DNM3: variants seen among roughly 807,000 people sequenced by gnomAD.
DNM3 encodes dynamin 3, also known as dynamin-3.
A neutral mutation model predicts 101.6 loss-of-function variants in DNM3; 47 were observed. The observed-to-expected ratio is 0.46, with a 90% CI of 0.37 to 0.59. DNM3 has a LOEUF of 0.59. Among genes scored for constraint, DNM3 ranks in the 20% least tolerant of loss-of-function variants. DNM3 has a pLI of 0.00. For synonymous variants in DNM3, 385 were observed against 387.9 expected (o/e 0.99, Z 0.09); for missense variants, 849 against 1,085.7 (o/e 0.78, Z 3.06).
chr1:171,990,530 T>G (rs1052459891), intron 4 of DNM3, among the ~76,000 whole-genome samples: 29 of 152,132 alleles, frequency 1.9e-4, no homozygotes, highest in African/African-American at 7.0e-4. Context: ...CACTATTCAG[T>G]GTGTACACTT....
intron 1 of DNM3, among the ~76,000 whole-genome samples, chr1:171,854,327 T>A (rs2033337679): frequency 6.6e-6 from 1 of 152,086 alleles, no homozygotes; most frequent in South Asian, 2.1e-4. Flanking sequence ...CCTCATGTGG[T>A]GGTTGTAAAA....
At chr1:171,894,619 G>T (rs1211668821) in intron 1 of DNM3, among the ~76,000 whole-genome samples, 1 of 151,968 alleles carries the variant, frequency 6.6e-6, no homozygotes, top group Non-Finnish European at 1.5e-5. Flanking sequence ...AAGTTCTAGG[G>T]TACATGTGCA....
At position 172,356,410 on chromosome 1, in the gene DNM3, C is replaced by T. The variant is rs568515227; in HGVS notation, c.1894-22608C>T. On this transcript the variant is annotated intron_variant, in intron 17 of 20. Coordinates refer to ENST00000627582, the MANE Select transcript of DNM3 (RefSeq NM_015569.5). The stretch of plus-strand genomic sequence containing the variant: ...TTAACCATATTTTGTTCATTTTTGA[C>T]TTATAAAACAATCAGGAAAAAACAG... Among the ~76,000 whole-genome samples, 6 of 152,056 alleles carry T rather than the reference C, an allele frequency of 3.9e-5. No homozygotes were observed. The South Asian group carries it at 1.2e-3, about 32-fold the overall frequency.
intron 16 of DNM3, chr1:172,309,880 C>T (rs777191711): frequency 3.3e-5 from 5 of 152,150 alleles, no homozygotes; most frequent in Admixed American, 6.6e-5. Context: ...ACCAAAATGT[C>T]GTCCTCTCTG....
chr1:172,186,664 C>T (rs542694249), intron 14 of DNM3, among the ~76,000 whole-genome samples: 67 of 152,168 alleles, frequency 4.4e-4, no homozygotes, highest in African/African-American at 1.6e-3. Context: ...TGATGGTCAG[C>T]CCCCTCTCAC....
intron 2 of DNM3, among the ~76,000 whole-genome samples, chr1:171,958,332 C>T (rs983375557): frequency 2.6e-5 from 4 of 152,100 alleles, no homozygotes; most frequent in Admixed American, 6.5e-5. Flanking sequence ...GCAGCCAAAC[C>T]ATATCACAGG....
downstream of DNM3, among the ~76,000 whole-genome samples, chr1:172,413,260 G>A (rs547012095): frequency 1.7e-4 from 26 of 152,116 alleles, no homozygotes; most frequent in African/African-American, 5.5e-4. Context: ...ACGGAGTTTC[G>A]CTCTTGCCCA....
intron 14 of DNM3, chr1:172,144,440 G>T: frequency 3.5e-6 from 1 of 284,956 alleles, no homozygotes. Context: ...TGCAAAACCT[G>T]TGAAGAAAAA....
chr1:172,093,840 T>G, intron 13 of DNM3: 2 of 976,582 alleles, frequency 2.0e-6, no homozygotes, highest in Non-Finnish European at 1.5e-6. Flanking sequence ...TTTTTTAAAC[T>G]TAGGTTGTCT....
At chr1:172,393,037 A>G (rs1294158589) in intron 20 of DNM3, 2 of 152,254 alleles carry the variant, frequency 1.3e-5, no homozygotes, top group East Asian at 3.8e-4. Context: ...TGTCTCACTC[A>G]TGCCCATCCC....
intron 11 of DNM3, among the ~76,000 whole-genome samples, chr1:172,078,506 T>C (rs1242799028): frequency 6.6e-6 from 1 of 152,072 alleles, no homozygotes; most frequent in African/African-American, 2.4e-5. Flanking sequence ...ATTTTGAGCC[T>C]ATGTGTGTCT....
intron 2 of DNM3, among the ~76,000 whole-genome samples, chr1:171,923,113 G>A (rs1328811761): frequency 2.6e-5 from 4 of 152,176 alleles, no homozygotes; most frequent in African/African-American, 9.7e-5. Context: ...AATTGTTTAA[G>A]GAACTGACAG....
intron 14 of DNM3, among the ~76,000 whole-genome samples, chr1:172,191,883 C>T (rs999112890): frequency 6.6e-6 from 1 of 152,170 alleles, no homozygotes; most frequent in African/African-American, 2.4e-5. Context: ...TGAGACTTTG[C>T]TGAAGTTGCT....
chr1:171,873,773 A>G lies in DNM3; in HGVS notation c.161+31956A>G, dbSNP rs186009258. On this transcript the variant is annotated intron_variant, in intron 1 of 20. Transcript: ENST00000627582. ...CTTTTCTCGTTCTCCACGAAGTAAG[A>G]AAATACTGTCCCTTTCTTTTTCCCC... is the stretch of plus-strand genomic sequence containing the variant. 3.9e-5 allele frequency among the ~76,000 whole-genome samples: 6 copies of G among 152,362 alleles called. No individual in the cohort carries two copies. In the East Asian group the frequency reaches 1.2e-3, roughly 29 times the overall value.
At chr1:171,845,278 A>G (rs747740516) in intron 1 of DNM3, among the ~76,000 whole-genome samples, 18 of 152,210 alleles carry the variant, frequency 1.2e-4, no homozygotes, top group Non-Finnish European at 2.2e-4. Context: ...GGCCAGGCAC[A>G]GTACTCATGC....
intron 12 of DNM3, among the ~76,000 whole-genome samples, chr1:172,087,266 CT>C (rs1043582342): frequency 2.0e-5 from 3 of 152,130 alleles, no homozygotes; most frequent in Non-Finnish European, 4.4e-5. Flanking sequence ...TCTTCATCTT[CT>C]GATCATGGCT....
intron 15 of DNM3, among the ~76,000 whole-genome samples, chr1:172,305,510 G>C (rs976549871): frequency 1.3e-5 from 2 of 152,124 alleles, no homozygotes; most frequent in African/African-American, 4.8e-5. Flanking sequence ...GAAAAAGAGG[G>C]AATCCTCCCT....
intron 2 of DNM3, among the ~76,000 whole-genome samples, chr1:171,962,089 T>A (rs544343569): frequency 6.6e-6 from 1 of 152,118 alleles, no homozygotes; most frequent in Non-Finnish European, 1.5e-5. Context: ...GGTTTCACTT[T>A]CTCTTCTTAT....
In DNM3 at chr1:171,853,255, C is replaced by T. The variant is rs1476325206; in HGVS notation, c.161+11438C>T. Among the ~76,000 whole-genome samples the T allele has an allele frequency of 2.0e-5, 3 of 152,020 alleles. No individual in the cohort carries two copies. In the East Asian group the frequency reaches 5.8e-4, roughly 29 times the overall value. On this transcript the variant is annotated intron_variant, in intron 1 of 20. Coordinates refer to ENST00000627582, the MANE Select transcript of DNM3 (RefSeq NM_015569.5). The stretch of plus-strand genomic sequence containing the variant: ...AACTGCTCACTGCAGCCTTGATATC[C>T]CTGGCTGATGAGATCCTCCCACCTC...
Sources: gnomAD v4.1 joint callset for allele counts (sites outside exome capture counted in the v4.1 genomes callset) on GRCh38, gnomAD v4.1.1 for gene constraint, MANE v1.5 for transcripts, NCBI Gene and HGNC (gene_info 2026-07-23, HGNC 2026-07-21) for gene names.